Variants in TRABD2B observed in about 807,000 individuals in gnomAD.
TRABD2B encodes metalloprotease TIKI2.
TRABD2B carries 14 observed loss-of-function variants against 40.1 expected under a neutral mutation model. That is an observed-to-expected ratio of 0.35 (90% confidence interval 0.23 to 0.55). The LOEUF (loss-of-function observed/expected upper bound fraction) is 0.55. Ranked by LOEUF, TRABD2B falls within the 20% of genes least tolerant of loss-of-function variation. TRABD2B has a pLI of 0.90. For synonymous variants in TRABD2B, 263 were observed against 277.0 expected (o/e 0.95, Z 0.50); for missense variants, 541 against 648.6 (o/e 0.83, Z 1.80).
chr1:47,975,469 G>C (rs1645742542), intron 2 of TRABD2B, among the ~76,000 whole-genome samples: 1 of 152,198 alleles, frequency 6.6e-6, no homozygotes, highest in Non-Finnish European at 1.5e-5. Flanking sequence ...CATACCATTT[G>C]CATCATTACT....
intron 2 of TRABD2B, among the ~76,000 whole-genome samples, chr1:47,844,633 C>G (rs1412728960): frequency 6.6e-6 from 1 of 152,122 alleles, no homozygotes; most frequent in African/African-American, 2.4e-5. Flanking sequence ...GCAGAATGAA[C>G]TAAATTCTTC....
intron 2 of TRABD2B, among the ~76,000 whole-genome samples, chr1:47,895,913 A>G (rs1644511841): frequency 2.0e-5 from 3 of 152,138 alleles, no homozygotes; most frequent in Non-Finnish European, 4.4e-5. Context: ...CATATTCTCC[A>G]TCACTGGGAC....
intron 2 of TRABD2B, among the ~76,000 whole-genome samples, chr1:47,961,051 A>G (rs1645506692): frequency 1.3e-5 from 2 of 152,320 alleles, no homozygotes; most frequent in South Asian, 4.1e-4. Flanking sequence ...CCTCAGAAAT[A>G]ATGCCGCATA....
At position 47,994,547 on chromosome 1, in the gene TRABD2B, G is replaced by T; in HGVS notation, c.153C>A (p.Ala51=). Residue 51 remains alanine, a synonymous_variant, in exon 2 of 7, where the codon GCC becomes GCA. Coordinates refer to ENST00000606738, the MANE Select transcript of TRABD2B (RefSeq NM_001194986.2). The surrounding 1 kb of genome is among the most constrained non-coding windows in gnomAD (Gnocchi z 6.7). ...GGACGTGAATAGTGCCAAACAGGTA[G>T]GCCGGAGGATCACGCCGAATCGTCC... ...FLWTIRRDPP[A]YLFGTIHVPY... 1.3e-6 allele frequency: 2 copies of T among 1,536,106 alleles called. No homozygotes were observed. The highest frequency in any genetic ancestry group is 4.9e-5 in the East Asian group (2 of 40,910).
intron 2 of TRABD2B, among the ~76,000 whole-genome samples, chr1:47,895,581 G>T (rs530214780): frequency 6.6e-6 from 1 of 152,186 alleles, no homozygotes; most frequent in Non-Finnish European, 1.5e-5. Flanking sequence ...GAGCTGTCCT[G>T]GAACCAACCC....
intron 2 of TRABD2B, among the ~76,000 whole-genome samples, chr1:47,908,214 C>T (rs183292415): frequency 5.3e-5 from 8 of 152,134 alleles, no homozygotes. Context: ...CATCTATATG[C>T]ACATATAGAG....
At chr1:47,914,888 A>AAAGGG (rs1644809866) in intron 2 of TRABD2B, among the ~76,000 whole-genome samples, 1 of 152,238 alleles carries the variant, frequency 6.6e-6, no homozygotes, top group Admixed American at 6.5e-5. Flanking sequence ...GGCAAGGATG[A>AAAGGG]ACCAGATAGA....
At chr1:47,989,434 CA>C (rs1350497985) in intron 2 of TRABD2B, among the ~76,000 whole-genome samples, 4 of 152,184 alleles carry the variant, frequency 2.6e-5, no homozygotes, top group African/African-American at 9.7e-5. Context: ...AATAGTTACT[CA>C]GCACTTACTA....
chr1:47,841,377 G>T (rs1466129795), intron 2 of TRABD2B, among the ~76,000 whole-genome samples: 2 of 152,182 alleles, frequency 1.3e-5, no homozygotes, highest in African/African-American at 4.8e-5. Context: ...TGCTCCCCTG[G>T]ATACAAGGTT....
chr1:47,942,825 AG>A (rs1277232763), intron 2 of TRABD2B, among the ~76,000 whole-genome samples: 1 of 152,228 alleles, frequency 6.6e-6, no homozygotes, highest in Non-Finnish European at 1.5e-5. Flanking sequence ...TGCTCTACAC[AG>A]GAAGACTGGT....
At chr1:47,912,991 G>A (rs1644782935) in intron 2 of TRABD2B, among the ~76,000 whole-genome samples, 1 of 152,176 alleles carries the variant, frequency 6.6e-6, no homozygotes, top group African/African-American at 2.4e-5. Context: ...GGCCACAGCA[G>A]GTTACTGACT....
At chr1:47,882,105 C>A (rs777554715) in intron 2 of TRABD2B, among the ~76,000 whole-genome samples, 3 of 152,240 alleles carry the variant, frequency 2.0e-5, no homozygotes, top group Non-Finnish European at 4.4e-5. Context: ...AGGCAGGCTG[C>A]GCTGCTGGGG....
At chr1:47,808,415 GA>G (rs1219223469) in intron 2 of TRABD2B, among the ~76,000 whole-genome samples, 4 of 152,050 alleles carry the variant, frequency 2.6e-5, no homozygotes, top group African/African-American at 9.7e-5. Context: ...ATATGTTATA[GA>G]AAAAAATAAA....
At chr1:47,958,551 G>A (rs958064147) in intron 2 of TRABD2B, among the ~76,000 whole-genome samples, 15 of 140,928 alleles carry the variant, frequency 1.1e-4, no homozygotes, top group African/African-American at 3.6e-4. Flanking sequence ...AAAAAGCAGG[G>A]GTTGCAATCC....
intron 6 of TRABD2B, among the ~76,000 whole-genome samples, chr1:47,770,024 C>G (rs1448251753): frequency 6.6e-6 from 1 of 152,192 alleles, no homozygotes; most frequent in African/African-American, 2.4e-5. Context: ...CTCCAAGGGG[C>G]TCCCTGGAGC....
At chr1:47,774,869 CCT>C (rs1644422468) in intron 6 of TRABD2B, among the ~76,000 whole-genome samples, 1 of 152,228 alleles carries the variant, frequency 6.6e-6, no homozygotes, top group Non-Finnish European at 1.5e-5. Context: ...CAAATGGCGC[CCT>C]GTTTGTACAG....
chr1:47,974,918 A>G (rs998845401), intron 2 of TRABD2B, among the ~76,000 whole-genome samples: 9 of 152,224 alleles, frequency 5.9e-5, no homozygotes, highest in African/African-American at 2.2e-4. Flanking sequence ...TTCCTCCCCA[A>G]AACACACAAT....
chr1:47,955,510 C>T (rs1645406795), intron 2 of TRABD2B, among the ~76,000 whole-genome samples: 1 of 152,202 alleles, frequency 6.6e-6, no homozygotes, highest in South Asian at 2.1e-4. Flanking sequence ...TCTCCTCAGT[C>T]TGATCTCAGG....
chr1:47,901,728 C>T (rs2201691), intron 2 of TRABD2B, among the ~76,000 whole-genome samples: 3,551 of 152,302 alleles, frequency 0.023, 105 homozygotes, highest in Admixed American at 0.09. Flanking sequence ...TTCAGGCTAA[C>T]GGAGCAGCAT....
Sources: allele counts gnomAD v4.1 joint callset (sites outside exome capture counted in the v4.1 genomes callset), GRCh38; gene constraint gnomAD v4.1.1; non-coding constraint Gnocchi (gnomAD v3.1); transcripts MANE v1.5; gene names NCBI Gene and HGNC (gene_info 2026-07-23, HGNC 2026-07-21).